The following TRPM3 variants were observed in gnomAD, a reference collection of about 807,000 sequenced individuals.
TRPM3 encodes long transient receptor potential channel 3.
TRPM3 carries 77 observed loss-of-function variants against 181.2 expected under a neutral mutation model. That is an observed-to-expected ratio of 0.42 (90% CI 0.35 to 0.51). The LOEUF (loss-of-function observed/expected upper bound fraction) is 0.51. Among genes scored for constraint, TRPM3 ranks in the 20% least tolerant of loss-of-function variants. TRPM3 has a pLI of 0.01. For synonymous variants in TRPM3, 745 were observed against 796.4 expected (o/e 0.94, Z 1.09); for missense variants, 1,759 against 2,196.7 (o/e 0.80, Z 3.98).
chr9:71,138,181 A>C (rs185762589), intron 1 of TRPM3, among the ~76,000 whole-genome samples: 7 of 152,256 alleles, frequency 4.6e-5, no homozygotes, highest in African/African-American at 1.7e-4. Flanking sequence ...GAAATCAAGA[A>C]AACATGGAAA....
chr9:70,966,105 C>CA (rs2097182817), intron 1 of TRPM3, among the ~76,000 whole-genome samples: 1 of 149,094 alleles, frequency 6.7e-6, no homozygotes, highest in Non-Finnish European at 1.5e-5. Flanking sequence ...AGATAATTTC[C>CA]AAAAGACGAC....
intron 1 of TRPM3, among the ~76,000 whole-genome samples, chr9:71,318,438 C>A (rs950335482): frequency 6.6e-6 from 1 of 152,186 alleles, no homozygotes; most frequent in South Asian, 2.1e-4. Context: ...AATGGTGAAA[C>A]AAGTGTTTTA....
chr9:71,131,195 G>A (rs2042044), intron 1 of TRPM3, among the ~76,000 whole-genome samples: 11,379 of 152,084 alleles, frequency 0.075, 623 homozygotes, highest in East Asian at 0.23. Context: ...TTCCTGTCAC[G>A]GGACATTTAC....
chr9:71,420,749 GAGAGAGAA>G (rs201107856), intron 1 of TRPM3, among the ~76,000 whole-genome samples: 2 of 97,990 alleles, frequency 2.0e-5, no homozygotes, highest in Non-Finnish European at 4.1e-5. Context: ...GAGAGAGAAA[GAGAGAGAA>G]AGAGAGAGAA....
chr9:70,996,695 A>AT (rs1265113263), intron 1 of TRPM3, among the ~76,000 whole-genome samples: 1 of 151,666 alleles, frequency 6.6e-6, no homozygotes, highest in Admixed American at 6.6e-5. Flanking sequence ...GTTTATTTGA[A>AT]TTTTTTTCTT....
intron 1 of TRPM3, among the ~76,000 whole-genome samples, chr9:71,190,893 T>C (rs1257621526): frequency 6.6e-6 from 1 of 151,810 alleles, no homozygotes; most frequent in African/African-American, 2.4e-5. Flanking sequence ...CATTCACAGG[T>C]TCCCTGCCAA....
intron 11 of TRPM3, among the ~76,000 whole-genome samples, chr9:70,637,942 A>T (rs2057471337): frequency 6.6e-6 from 1 of 152,154 alleles, no homozygotes; most frequent in Non-Finnish European, 1.5e-5. Context: ...TGGGGCCTTT[A>T]ACGTGTATAC....
chr9:70,769,199 A>G (rs930914063), intron 7 of TRPM3, among the ~76,000 whole-genome samples: 2 of 152,268 alleles, frequency 1.3e-5, no homozygotes, highest in Middle Eastern at 3.4e-3. Context: ...AGATTTGTCT[A>G]TGGTCTTGCT....
chr9:70,846,516 G>T lies in TRPM3; in HGVS notation c.538C>A (p.Pro180Thr). 1 of 1,614,150 alleles carries T rather than the reference G, an allele frequency of 6.2e-7. No individual in the cohort carries two copies. The highest frequency in any genetic ancestry group is 8.5e-7 in the Non-Finnish European group (1 of 1,180,014). The change falls in exon 4 of 26, where the codon CCC (proline) becomes ACC (threonine). Residue 180 changes from proline (P) to threonine (T), a missense_variant. This residue lies in a region of TRPM3 where 737 missense variants were observed against 957.4 expected (regional missense o/e 0.77). Coordinates refer to ENST00000677713, the MANE Select transcript of TRPM3 (RefSeq NM_001366145.2). ...CCATGGACAGAGATGAGAAGCTTGG[G>T]AAGCTCCAACTGCCATTCCTTGGTC... ...LMTKEWQLEL[P>T]KLLISVHGGL...
At chr9:71,155,248 C>T (rs2075930426) in intron 1 of TRPM3, among the ~76,000 whole-genome samples, 1 of 152,064 alleles carries the variant, frequency 6.6e-6, no homozygotes. Context: ...AAAGTCTATC[C>T]TAACTTTATC....
intron 9 of TRPM3, among the ~76,000 whole-genome samples, chr9:70,674,786 G>A (rs1461629711): frequency 1.6e-5 from 2 of 121,842 alleles, no homozygotes; most frequent in South Asian, 2.7e-4. Context: ...GGCTGATCTT[G>A]AACTCCCAGG....
chr9:70,924,820 C>T (rs2096704472), intron 1 of TRPM3, among the ~76,000 whole-genome samples: 1 of 152,126 alleles, frequency 6.6e-6, no homozygotes, highest in Non-Finnish European at 1.5e-5. Context: ...GTAGAAAGTT[C>T]AGGTGCTATA....
chr9:71,313,228 G>T (rs2088154842), intron 1 of TRPM3, among the ~76,000 whole-genome samples: 1 of 151,958 alleles, frequency 6.6e-6, no homozygotes, highest in South Asian at 2.1e-4. Flanking sequence ...TGTTTAAAAA[G>T]GAGTCTATTA....
At chr9:71,369,589 C>T (rs999527737) in intron 1 of TRPM3, among the ~76,000 whole-genome samples, 1 of 152,146 alleles carries the variant, frequency 6.6e-6, no homozygotes, top group African/African-American at 2.4e-5. Context: ...CTGCAACCTC[C>T]GCCTCCCAGG....
chr9:71,207,043 C>T (rs2079167278), intron 1 of TRPM3, among the ~76,000 whole-genome samples: 1 of 151,874 alleles, frequency 6.6e-6, no homozygotes, highest in Non-Finnish European at 1.5e-5. Flanking sequence ...GCATAGCTTC[C>T]AGTATAAAAT....
intron 7 of TRPM3, among the ~76,000 whole-genome samples, chr9:70,772,954 T>A (rs1486763238): frequency 1.3e-5 from 2 of 151,596 alleles, no homozygotes; most frequent in Non-Finnish European, 2.9e-5. Context: ...AAAAGTCAAA[T>A]TTTTTTTATT....
chr9:71,023,145 T>TA (rs978315987), intron 1 of TRPM3, among the ~76,000 whole-genome samples: 16 of 151,778 alleles, frequency 1.1e-4, no homozygotes, highest in Non-Finnish European at 2.2e-4. Flanking sequence ...AACCCCCAAG[T>TA]AAAAAAATAA....
intron 1 of TRPM3, among the ~76,000 whole-genome samples, chr9:71,255,941 A>G (rs1249980488): frequency 1.3e-5 from 2 of 152,180 alleles, no homozygotes; most frequent in Non-Finnish European, 2.9e-5. Context: ...TCTACAGCCA[A>G]CCAAGAGTGG....
chr9:71,388,050 A>G (rs1384099084), intron 1 of TRPM3, among the ~76,000 whole-genome samples: 1 of 152,204 alleles, frequency 6.6e-6, no homozygotes, highest in Non-Finnish European at 1.5e-5. Context: ...CAAAATAACC[A>G]CAGTAATCAA....
Sources: allele counts gnomAD v4.1 joint callset (sites outside exome capture counted in the v4.1 genomes callset), GRCh38; gene constraint gnomAD v4.1.1; regional missense constraint gnomAD v4.1.1; transcripts MANE v1.5; gene names NCBI Gene and HGNC (gene_info 2026-07-23, HGNC 2026-07-21).